The following NOX4 variants were observed in gnomAD, a reference collection of about 807,000 sequenced individuals.
The protein encoded by NOX4 is kidney oxidase-1.
NOX4 carries 69 observed loss-of-function variants against 87.6 expected under a neutral mutation model. The ratio of observed to expected loss-of-function variants is 0.79; its 90% CI spans 0.65 to 0.96. The LOEUF (loss-of-function observed/expected upper bound fraction) is 0.96, where lower values mean the gene tolerates loss of function less well. NOX4 is among the 40% of genes least tolerant of loss of function. The probability of loss-of-function intolerance (pLI) is 0.00; values close to 1 mark genes in which losing one functional copy is unlikely to be tolerated. For missense variants in NOX4, 680 were observed against 681.5 expected, an observed-to-expected ratio of 1.00 and a Z score of 0.02; for synonymous variants, 275 against 238.2, an observed-to-expected ratio of 1.15 and a Z score of -1.42.
At chr11:89,566,043 C>CT in the NOX4 span, among the ~76,000 whole-genome samples, 1,052 of 122,828 alleles carry the variant, frequency 8.6e-3, 6 homozygotes, top group African/African-American at 0.014. Context: ...TTCTTTTTTT[C>CT]TTTTTTTTTT....
At chr11:89,552,346 CATTG>C in the NOX4 span, among the ~76,000 whole-genome samples, 1 of 152,148 alleles carries the variant, frequency 6.6e-6, no homozygotes, top group Non-Finnish European at 1.5e-5. Flanking sequence ...TTGTGTCAAT[CATTG>C]ATCATTTACG....
chr11:89,415,983 C>G (rs1284326461), intron 8 of NOX4, among the ~76,000 whole-genome samples: 1 of 152,126 alleles, frequency 6.6e-6, no homozygotes, highest in Non-Finnish European at 1.5e-5. Context: ...TTCTCAAATA[C>G]ACACACAGAG....
At chr11:89,563,090 C>A in the NOX4 span, among the ~76,000 whole-genome samples, 1 of 152,130 alleles carries the variant, frequency 6.6e-6, no homozygotes, top group Non-Finnish European at 1.5e-5. Context: ...GCCTCTCCAG[C>A]CATGCAGAAC....
intron 2 of NOX4, among the ~76,000 whole-genome samples, chr11:89,481,749 A>G (rs1946398925): frequency 6.6e-6 from 1 of 152,098 alleles, no homozygotes. Context: ...CTGAGTCCAT[A>G]AAGAAAGCAT....
chr11:89,465,161 C>A (rs1482140594), intron 2 of NOX4, among the ~76,000 whole-genome samples: 2 of 151,978 alleles, frequency 1.3e-5, no homozygotes, highest in Non-Finnish European at 2.9e-5. Flanking sequence ...CCCAACAAGC[C>A]CCAGTTTGTG....
intron 13 of NOX4, among the ~76,000 whole-genome samples, chr11:89,353,420 GT>G (rs1937720027): frequency 6.6e-6 from 1 of 152,110 alleles, no homozygotes; most frequent in Non-Finnish European, 1.5e-5. Context: ...CCAGCAAAAA[GT>G]TTATGACTTG....
At chr11:89,447,940 A>G (rs319016) in intron 4 of NOX4, among the ~76,000 whole-genome samples, 98,204 of 151,970 alleles carry the variant, frequency 0.65, 33,377 homozygotes, top group African/African-American at 0.86. Context: ...TACCCATTTC[A>G]ACAATGCTTG....
intron 2 of NOX4, among the ~76,000 whole-genome samples, chr11:89,486,024 T>C (rs1324317983): frequency 6.6e-6 from 1 of 152,082 alleles, no homozygotes; most frequent in East Asian, 1.9e-4. Flanking sequence ...TAAAACATAT[T>C]AATCCCAATG....
intron 8 of NOX4, 128 bp from the exon 9 acceptor site, chr11:89,402,670 G>T (rs1273722192): frequency 1.1e-5 from 8 of 730,538 alleles, no homozygotes; most frequent in Non-Finnish European, 1.6e-5. Flanking sequence ...TATCCAAAAA[G>T]TGTTCCTTAT....
At chr11:89,567,324 TC>T in the NOX4 span, among the ~76,000 whole-genome samples, 1 of 152,100 alleles carries the variant, frequency 6.6e-6, no homozygotes, top group Non-Finnish European at 1.5e-5. Flanking sequence ...GCCAGCAGCC[TC>T]CTACCACTGC....
rs189190100 is a variant in NOX4 at position 89,349,823 on chromosome 11, G to T, written c.1217+5139C>A. 3.0e-4 allele frequency among the ~76,000 whole-genome samples: 46 copies of T among 152,212 alleles called. No individual in the cohort carries two copies. The East Asian group carries it at 8.7e-3, about 29-fold the overall frequency. On this transcript the variant is annotated intron_variant, in intron 13 of 17. Transcript: ENST00000263317. Reference sequence around the variant, plus strand: ...GTTTTGCTGGTTTAATTGCCAAAATGGTTGCAAGTAATTTGTGGATAAAAT... The same window carrying T: ...GTTTTGCTGGTTTAATTGCCAAAATTGTTGCAAGTAATTTGTGGATAAAAT...
At chr11:89,575,594 A>G in the NOX4 span, among the ~76,000 whole-genome samples, 2 of 152,164 alleles carry the variant, frequency 1.3e-5, no homozygotes, top group Admixed American at 6.5e-5. Flanking sequence ...CCACTTTATA[A>G]TATAACCTCT....
At chr11:89,340,987 T>C (rs373334232) in intron 14 of NOX4, among the ~76,000 whole-genome samples, 57 of 152,070 alleles carry the variant, frequency 3.7e-4, no homozygotes, top group African/African-American at 1.2e-3. Flanking sequence ...AAATAGTAAA[T>C]GGAATAGATT....
chr11:89,387,537 T>C (rs1230971036), intron 11 of NOX4, among the ~76,000 whole-genome samples: 1 of 152,182 alleles, frequency 6.6e-6, no homozygotes, highest in Non-Finnish European at 1.5e-5. Context: ...TTTGGTGGTC[T>C]CTTCACAGGG....
intron 8 of NOX4, among the ~76,000 whole-genome samples, chr11:89,416,171 G>T (rs1314780608): frequency 6.6e-5 from 10 of 152,122 alleles, no homozygotes; most frequent in African/African-American, 2.4e-4. Flanking sequence ...ATTCTCAAAA[G>T]TATCTGGTTT....
chr11:89,452,138 C>T (rs570888600), intron 2 of NOX4, among the ~76,000 whole-genome samples: 3 of 152,324 alleles, frequency 2.0e-5, no homozygotes, highest in Admixed American at 2.0e-4. Context: ...TTACAATCAC[C>T]TGAAAACACT....
chr11:89,394,702 T>C (rs927851817), intron 11 of NOX4, among the ~76,000 whole-genome samples: 2 of 152,046 alleles, frequency 1.3e-5, no homozygotes, highest in African/African-American at 4.8e-5. Context: ...CCGCCCTGTG[T>C]ACAAGTGTTC....
chr11:89,532,288 C>A, the NOX4 span, among the ~76,000 whole-genome samples: 7 of 152,170 alleles, frequency 4.6e-5, no homozygotes, highest in Non-Finnish European at 4.4e-5. Context: ...GGAAGCTCTA[C>A]CCTACAGAGC....
chr11:89,427,473 G>GA (rs1216493339), intron 7 of NOX4, among the ~76,000 whole-genome samples: 5 of 151,806 alleles, frequency 3.3e-5, no homozygotes, highest in African/African-American at 7.3e-5. Context: ...TAAAAACCTT[G>GA]AAAAAAAATT....
Sources: gnomAD v4.1 joint callset for allele counts (sites outside exome capture counted in the v4.1 genomes callset) on GRCh38, gnomAD v4.1.1 for gene constraint, MANE v1.5 for transcripts, NCBI Gene and HGNC (gene_info 2026-07-23, HGNC 2026-07-21) for gene names.